AREL1: variants seen among roughly 807,000 people sequenced by gnomAD.
The protein encoded by AREL1 is apoptosis resistant E3 ubiquitin protein ligase 1.
A neutral mutation model predicts 99.0 loss-of-function variants in AREL1; 62 were observed. The observed-to-expected ratio is 0.63, with a 90% CI of 0.51 to 0.77. The LOEUF (loss-of-function observed/expected upper bound fraction) is 0.77. AREL1 is among the 30% of genes least tolerant of loss of function. The pLI is 0.00. For synonymous variants in AREL1, 380 were observed against 376.5 expected (o/e 1.01, Z -0.11); for missense variants, 879 against 1,027.6 (o/e 0.86, Z 1.98).
chr14:74,698,424 T>G (rs554496696), intron 1 of AREL1, among the ~76,000 whole-genome samples: 1 of 152,212 alleles, frequency 6.6e-6, no homozygotes, highest in Admixed American at 6.5e-5. Flanking sequence ...GGTTACAGTC[T>G]AATTCACTCG....
At chr14:74,694,376 G>A (rs1005059137) in intron 1 of AREL1, among the ~76,000 whole-genome samples, 2 of 151,752 alleles carry the variant, frequency 1.3e-5, no homozygotes, top group African/African-American at 4.8e-5. Flanking sequence ...AACAACATAG[G>A]GAAATGCTTA....
chr14:74,663,785 C>G lies in AREL1; in HGVS notation c.2407G>C (p.Glu803Gln), dbSNP rs781184364. ...AGCTGCAGCATCCTGTGCACCTCTT[C>G]ATAGGAGTCATATGTAGGGAGGCAC... ...QLCLPTYDSY[E>Q]EVHRMLQLAI... The change falls in exon 20 of 20, where the codon GAA (glutamate) becomes CAA (glutamine). Residue 803 changes from glutamate (E) to glutamine (Q), a missense_variant. Glu to Gln is a conservative substitution (Grantham distance 29, BLOSUM62 2). Coordinates refer to ENST00000356357, the MANE Select transcript of AREL1 (RefSeq NM_001039479.2). The G allele has an allele frequency of 3.1e-6, 5 of 1,614,170 alleles. No homozygotes were observed. In the South Asian group the frequency reaches 3.3e-5, roughly 11 times the overall value.
Position 74,684,768 on chromosome 14 carries a change from T to C in AREL1, c.17-88A>G, listed in dbSNP as rs867025484. ...AACAGGCCAGCCATTTCTCAAAAAT[T>C]AAAGGAGGTCAGGATGAGACTGTAA... is the stretch of plus-strand genomic sequence containing the variant. On this transcript the variant is annotated intron_variant, in intron 3 of 19. Transcript: ENST00000356357. 45 of 1,211,062 alleles carry C rather than the reference T, an allele frequency of 3.7e-5. No homozygotes were observed. In the Middle Eastern group the frequency reaches 5.7e-4, roughly 15 times the overall value. The allele number at this position is 1,211,062 out of a possible 1,614,324, so 75.0% of individuals were successfully genotyped here.
intron 1 of AREL1, among the ~76,000 whole-genome samples, chr14:74,704,179 C>T (rs2090135234): frequency 6.6e-6 from 1 of 152,050 alleles, no homozygotes; most frequent in Admixed American, 6.6e-5. Context: ...AGCTGTTTGT[C>T]TTCTTACTAT....
chr14:74,685,669 AG>A lies in AREL1; in HGVS notation c.-45-10del, dbSNP rs1192366406. The A allele has an allele frequency of 6.2e-7, 1 of 1,612,706 alleles. No individual in the cohort carries two copies. Among genetic ancestry groups the A allele is most frequent in the East Asian group, 2.2e-5 (1 of 44,832 alleles). On this transcript the variant is annotated splice_polypyrimidine_tract_variant and intron_variant, in intron 2 of 19. Transcript: ENST00000356357. ...GAGGATCACAGCTGCAGCTGTTAAA[AG>A]AAAACTTGTTTAGTTTTTGTCTCCA...
In AREL1 at chr14:74,663,796, T is replaced by C. The variant is rs768846580; in HGVS notation, c.2396A>G (p.Tyr799Cys). 3 of 1,614,048 alleles carry C rather than the reference T, an allele frequency of 1.9e-6. No homozygotes were observed. The highest frequency in any genetic ancestry group is 2.5e-6 in the Non-Finnish European group (3 of 1,180,000). ...TCFNQLCLPT[Y>C]DSYEEVHRML... ...CCTGTGCACCTCTTCATAGGAGTCA[T>C]ATGTAGGGAGGCACAGCTGGTTAAA... The change falls in exon 20 of 20, where the codon TAT becomes TGT. Residue 799 changes from tyrosine (Y) to cysteine (C), a missense_variant. Coordinates refer to ENST00000356357, the MANE Select transcript of AREL1 (RefSeq NM_001039479.2).
chr14:74,697,142 A>C (rs1311527076), intron 1 of AREL1, among the ~76,000 whole-genome samples: 1 of 150,706 alleles, frequency 6.6e-6, no homozygotes, highest in African/African-American at 2.5e-5. Flanking sequence ...AGAGAGAGAG[A>C]TCCTGTCACA....
Position 74,674,130 on chromosome 14 carries a change from G to T in AREL1, c.1081-19C>A. On this transcript the variant is annotated intron_variant, in intron 8 of 19. Coordinates refer to ENST00000356357, the MANE Select transcript of AREL1 (RefSeq NM_001039479.2). The stretch of plus-strand genomic sequence containing the variant: ...AGAATTGCTGGAGGACCAACAGACA[G>T]GAAATGAAGTGAATGATAAATAAAA... The T allele has an allele frequency of 6.3e-7, 1 of 1,596,010 alleles. No homozygotes were observed.
Position 74,674,017 on chromosome 14 carries a change from T to C in AREL1, c.1158+17A>G, listed in dbSNP as rs1367092113. The C allele has an allele frequency of 3.8e-6, 6 of 1,590,746 alleles. No individual in the cohort carries two copies. Among genetic ancestry groups the C allele is most frequent in the Non-Finnish European group, 4.3e-6 (5 of 1,159,164 alleles). On this transcript the variant is annotated intron_variant, in intron 9 of 19. Coordinates refer to ENST00000356357, the MANE Select transcript of AREL1 (RefSeq NM_001039479.2). ...TGAAGCATGCTTGATGTGAACCAGA[T>C]GTAAGGTTCAGCTTACTTTTGTTCC...
intron 4 of AREL1, among the ~76,000 whole-genome samples, chr14:74,684,104 CAT>C (rs1373223646): frequency 2.6e-5 from 4 of 152,150 alleles, no homozygotes; most frequent in Non-Finnish European, 5.9e-5. Context: ...TGAAAACAGC[CAT>C]AGTCAATACA....
intron 1 of AREL1, among the ~76,000 whole-genome samples, chr14:74,709,657 C>T (rs751096628): frequency 1.3e-5 from 2 of 152,164 alleles, no homozygotes; most frequent in Non-Finnish European, 2.9e-5. Flanking sequence ...TGCCATGCTA[C>T]CACATTTAGG....
intron 11 of AREL1, 36 bp from the exon 12 acceptor site, chr14:74,671,519 A>AC (rs1566681395): frequency 1.4e-6 from 2 of 1,434,670 alleles, no homozygotes; most frequent in Non-Finnish European, 1.9e-6. Context: ...TTGTCAGAAC[A>AC]CTGGCTGGTG....
At chr14:74,688,926 T>A (rs1050146835) in intron 2 of AREL1, among the ~76,000 whole-genome samples, 1 of 151,948 alleles carries the variant, frequency 6.6e-6, no homozygotes, top group Non-Finnish European at 1.5e-5. Flanking sequence ...AACCTCCACC[T>A]CCCAGGTTCA....
At position 74,675,784 on chromosome 14, in the gene AREL1, T is replaced by A; in HGVS notation, c.995A>T (p.Glu332Val). ...SQRRPSTAVD[E>V]EDEDSPSECH... The stretch of plus-strand genomic sequence containing the variant: ...CTCAGAGGGCGAGTCTTCATCTTCC[T>A]CGTCAACAGCAGTGGATGGCCGGCG... Residue 332 changes from glutamate (E) to valine (V), a missense_variant, in exon 8 of 20, where the codon GAG (glutamate) becomes GTG (valine). Physicochemically the swap from Glu to Val is moderately radical, Grantham distance 121. Transcript: ENST00000356357. 6.2e-7 allele frequency: 1 copy of A among 1,614,194 alleles called. No individual in the cohort carries two copies. The highest frequency in any genetic ancestry group is 8.5e-7 in the Non-Finnish European group (1 of 1,180,042).
chr14:74,706,569 C>T (rs148532274), intron 1 of AREL1, among the ~76,000 whole-genome samples: 1 of 152,296 alleles, frequency 6.6e-6, no homozygotes, highest in East Asian at 1.9e-4. Context: ...AAACTCAACA[C>T]TTACCTATTC....
chr14:74,664,613 A>ATTTT (rs747317541), intron 18 of AREL1, among the ~76,000 whole-genome samples: 8 of 117,988 alleles, frequency 6.8e-5, no homozygotes, highest in Non-Finnish European at 1.0e-4. Context: ...CACCCAGCTA[A>ATTTT]TTTTTTTTTT....
At chr14:74,664,589 G>T (rs565500521) in intron 18 of AREL1, among the ~76,000 whole-genome samples, 20 of 149,988 alleles carry the variant, frequency 1.3e-4, no homozygotes, top group Admixed American at 6.6e-4. Context: ...TGGGACTACA[G>T]GCATGTGCCA....
In AREL1 at chr14:74,713,074, G is replaced by T; in HGVS notation, c.-475C>A. Reference sequence around the variant, plus strand: ...TCCACCCGGCCTGGGAACCGGCTCGGGGGATTGCCCTTTCCCCAAGGAGTT... The same window carrying T: ...TCCACCCGGCCTGGGAACCGGCTCGTGGGATTGCCCTTTCCCCAAGGAGTT... On this transcript the variant is annotated 5_prime_UTR_variant, in exon 1 of 20. Coordinates refer to ENST00000356357, the MANE Select transcript of AREL1 (RefSeq NM_001039479.2). 1 of 1,585,600 alleles carries T rather than the reference G, an allele frequency of 6.3e-7. No homozygotes were observed. Among genetic ancestry groups the T allele is most frequent in the Non-Finnish European group, 8.7e-7 (1 of 1,154,466 alleles).
chr14:74,664,973 AC>A, intron 17 of AREL1, 48 bp from the exon 18 acceptor site: 1 of 1,521,468 alleles, frequency 6.6e-7, no homozygotes, highest in South Asian at 1.2e-5. Context: ...AGAGACAAAG[AC>A]CCAATATAAG....
Sources: gnomAD v4.1 joint callset for allele counts (sites outside exome capture counted in the v4.1 genomes callset) on GRCh38, gnomAD v4.1.1 for gene constraint, MANE v1.5 for transcripts, NCBI Gene and HGNC (gene_info 2026-07-23, HGNC 2026-07-21) for gene names.